Variants in NETO2 observed in about 807,000 individuals in gnomAD.
NETO2 encodes neuropilin and tolloid like 2.
NETO2 carries 28 observed loss-of-function variants against 62.5 expected under a neutral mutation model. That is an observed-to-expected ratio of 0.45 (90% confidence interval 0.33 to 0.61). The LOEUF is 0.61. NETO2 is among the 20% of genes least tolerant of loss of function. The pLI is 0.02. For synonymous variants in NETO2, 214 were observed against 219.1 expected, an observed-to-expected ratio of 0.98 and a Z score of 0.21; for missense variants, 548 against 643.2, an observed-to-expected ratio of 0.85 and a Z score of 1.60.
intron 4 of NETO2, among the ~76,000 whole-genome samples, chr16:47,123,326 C>A (rs926529897): frequency 6.6e-6 from 1 of 151,926 alleles, no homozygotes; most frequent in African/African-American, 2.4e-5. Flanking sequence ...TACTTAACGC[C>A]ACTGAATTAC....
intron 4 of NETO2, among the ~76,000 whole-genome samples, chr16:47,125,327 A>C (rs1243394771): frequency 1.3e-5 from 2 of 152,090 alleles, no homozygotes; most frequent in Non-Finnish European, 2.9e-5. Flanking sequence ...GCCACTGTGA[A>C]AAAACAGCTT....
intron 6 of NETO2, among the ~76,000 whole-genome samples, chr16:47,121,268 G>A (rs1487987655): frequency 6.6e-6 from 1 of 152,122 alleles, no homozygotes; most frequent in East Asian, 1.9e-4. Flanking sequence ...TCGTACCCAT[G>A]GTGGGCTGTG....
At chr16:47,105,324 T>C (rs527630638) in intron 7 of NETO2, among the ~76,000 whole-genome samples, 3 of 152,306 alleles carry the variant, frequency 2.0e-5, no homozygotes, top group African/African-American at 2.4e-5. Flanking sequence ...ACTTACACTA[T>C]ATACAAAAAT....
chr16:47,119,607 T>C (rs192076269), intron 6 of NETO2, among the ~76,000 whole-genome samples: 1 of 152,206 alleles, frequency 6.6e-6, no homozygotes, highest in Non-Finnish European at 1.5e-5. Flanking sequence ...TTTGGATTTG[T>C]TTTTCTTTTA....
chr16:47,115,735 G>GTA (rs1052976202), intron 6 of NETO2, among the ~76,000 whole-genome samples: 7 of 117,338 alleles, frequency 6.0e-5, no homozygotes, highest in African/African-American at 1.0e-4. Context: ...ATATATACAT[G>GTA]TATATATATA....
intron 7 of NETO2, among the ~76,000 whole-genome samples, chr16:47,105,876 G>A (rs1963663030): frequency 6.6e-6 from 1 of 152,178 alleles, no homozygotes; most frequent in Non-Finnish European, 1.5e-5. Context: ...CTGCTGGTCG[G>A]TGTGTAAAAT....
At chr16:47,121,850 C>G (rs1410001745) in intron 6 of NETO2, among the ~76,000 whole-genome samples, 1 of 152,092 alleles carries the variant, frequency 6.6e-6, no homozygotes, top group Non-Finnish European at 1.5e-5. Flanking sequence ...ATAAGCATTA[C>G]CCTCTTTTTC....
At chr16:47,138,370 AGCCTG>A (rs1964400008) in intron 1 of NETO2, among the ~76,000 whole-genome samples, 1 of 152,258 alleles carries the variant, frequency 6.6e-6, no homozygotes, top group South Asian at 2.1e-4. Flanking sequence ...ACTGCACTCC[AGCCTG>A]GGTGACAGAG....
chr16:47,095,117 C>A (rs575603870), intron 7 of NETO2, among the ~76,000 whole-genome samples: 1 of 152,174 alleles, frequency 6.6e-6, no homozygotes, highest in Admixed American at 6.5e-5. Context: ...AAACTTCCCA[C>A]ATGCTTACCA....
chr16:47,114,682 C>A (rs1458192120), intron 6 of NETO2, among the ~76,000 whole-genome samples: 1 of 151,598 alleles, frequency 6.6e-6, no homozygotes, highest in African/African-American at 2.4e-5. Context: ...GATTTCCCGA[C>A]CTCGAGATCC....
At chr16:47,086,063 G>GCACA (rs1395573166) in intron 8 of NETO2, among the ~76,000 whole-genome samples, 163 bp downstream of exon 8, 2 of 152,174 alleles carry the variant, frequency 1.3e-5, no homozygotes, top group Non-Finnish European at 1.5e-5. Context: ...CCGAGATTGT[G>GCACA]CCACTGCACT....
At chr16:47,100,190 C>T (rs1408642890) in intron 7 of NETO2, among the ~76,000 whole-genome samples, 2 of 152,172 alleles carry the variant, frequency 1.3e-5, no homozygotes, top group South Asian at 2.1e-4. Context: ...GGAAACTGAA[C>T]AACCTGCTCC....
intron 1 of NETO2, 115 bp downstream of exon 1, chr16:47,143,464 C>G (rs1964507435): frequency 5.2e-6 from 6 of 1,154,540 alleles, no homozygotes; most frequent in Non-Finnish European, 2.2e-6. Flanking sequence ...CCCCGCCAGA[C>G]AAAGAGGCGC....
At chr16:47,137,993 T>C (rs1230021579) in intron 1 of NETO2, among the ~76,000 whole-genome samples, 1 of 152,216 alleles carries the variant, frequency 6.6e-6, no homozygotes, top group Admixed American at 6.5e-5. Context: ...GGTCACCCTA[T>C]GGTCCAGTAT....
rs545670990 is a variant in NETO2 at position 47,127,423 on chromosome 16, A to G, written c.481+902T>C. 8.5e-5 allele frequency among the ~76,000 whole-genome samples: 13 copies of G among 152,288 alleles called. No homozygotes were observed. The South Asian group carries it at 2.3e-3, about 27-fold the overall frequency. The stretch of plus-strand genomic sequence containing the variant: ...CCTGTGAGTAGTAGGGTGCACTTAT[A>G]TATGTATCTATACACACACACACAC... On this transcript the variant is annotated intron_variant, in intron 4 of 8. Transcript: ENST00000562435.
intron 2 of NETO2, among the ~76,000 whole-genome samples, chr16:47,130,915 G>A (rs1018669700): frequency 1.3e-5 from 2 of 152,052 alleles, no homozygotes; most frequent in African/African-American, 4.8e-5. Flanking sequence ...CTGGTTTAGA[G>A]GTAAAGTTGA....
chr16:47,121,209 A>C (rs537906730), intron 6 of NETO2, among the ~76,000 whole-genome samples: 1 of 152,140 alleles, frequency 6.6e-6, no homozygotes, highest in African/African-American at 2.4e-5. Context: ...GAAACACTCA[A>C]ATTCTTGGGG....
chr16:47,101,126 C>T (rs1043789071), intron 7 of NETO2, among the ~76,000 whole-genome samples: 5 of 152,138 alleles, frequency 3.3e-5, no homozygotes, highest in African/African-American at 9.7e-5. Context: ...CTTCATCCCT[C>T]GGATGCAAGG....
intron 7 of NETO2, among the ~76,000 whole-genome samples, chr16:47,092,995 G>C (rs1303005589): frequency 2.0e-5 from 3 of 152,068 alleles, no homozygotes; most frequent in African/African-American, 7.3e-5. Context: ...TGTCCTCACT[G>C]CCCCTGCTTA....
Sources: gnomAD v4.1 joint callset for allele counts (sites outside exome capture counted in the v4.1 genomes callset) on GRCh38, gnomAD v4.1.1 for gene constraint, MANE v1.5 for transcripts, NCBI Gene and HGNC (gene_info 2026-07-23, HGNC 2026-07-21) for gene names.